Variants in TOR1AIP1 observed in about 807,000 individuals in gnomAD.
TOR1AIP1 encodes the protein torsin 1A interacting protein 1, also known as torsin-1A-interacting protein 1.
TOR1AIP1 carries 54 observed loss-of-function variants against 63.3 expected under a neutral mutation model. That is an observed-to-expected ratio of 0.85 (90% CI 0.69 to 1.07). The LOEUF is 1.07. Among genes scored for constraint, TOR1AIP1 ranks in the 50% least tolerant of loss-of-function variants. The pLI is 0.00. For synonymous variants in TOR1AIP1, 294 were observed against 273.5 expected (o/e 1.07, Z -0.74); for missense variants, 736 against 715.0 (o/e 1.03, Z -0.33).
chr1:179,917,645 G>A lies in TOR1AIP1; in HGVS notation c.1158G>A (p.Leu386=). The change falls in exon 10 of 10, where the codon CTG becomes CTA. Residue 386 remains leucine, a synonymous_variant. Transcript: ENST00000606911. ...KNKYQGQDEK[L]WKRSQTFLEK... Reference sequence around the variant, plus strand: ...AGTACCAAGGTCAAGATGAGAAGCTGTGGAAAAGGAGCCAAACATTCCTGG... The same window carrying A: ...AGTACCAAGGTCAAGATGAGAAGCTATGGAAAAGGAGCCAAACATTCCTGG... 6.2e-7 allele frequency: 1 copy of A among 1,614,230 alleles called. No homozygotes were observed. The highest frequency in any genetic ancestry group is 8.5e-7 in the Non-Finnish European group (1 of 1,180,042).
chr1:179,902,487 A>T (rs1648500333), intron 5 of TOR1AIP1, among the ~76,000 whole-genome samples: 1 of 152,066 alleles, frequency 6.6e-6, no homozygotes, highest in Non-Finnish European at 1.5e-5. Flanking sequence ...TCCCAGGCTT[A>T]AGCAATTCTC....
At position 179,917,652 on chromosome 1, in the gene TOR1AIP1, A is replaced by C; in HGVS notation, c.1165A>C (p.Arg389=). Residue 389 remains arginine, a synonymous_variant, in exon 10 of 10, where the codon AGG becomes CGG. Transcript: ENST00000606911. ...AGGTCAAGATGAGAAGCTGTGGAAA[A>C]GGAGCCAAACATTCCTGGAAAAACA... ...YQGQDEKLWK[R]SQTFLEKHLN... The C allele has an allele frequency of 1.2e-6, 2 of 1,614,234 alleles. No individual in the cohort carries two copies. The highest frequency in any genetic ancestry group is 1.7e-6 in the Non-Finnish European group (2 of 1,180,036).
chr1:179,899,997 A>G (rs773484172), intron 3 of TOR1AIP1, 129 bp from the exon 4 acceptor site: 513 of 646,468 alleles, frequency 7.9e-4, no homozygotes, highest in Non-Finnish European at 1.3e-3. Flanking sequence ...CCTCATGTTC[A>G]TTTTCCTAAA....
Position 179,918,288 on chromosome 1 carries a change from C to T in TOR1AIP1, c.*49C>T. 6.6e-7 allele frequency: 1 copy of T among 1,508,520 alleles called. No individual in the cohort carries two copies. The highest frequency in any genetic ancestry group is 8.8e-7 in the Non-Finnish European group (1 of 1,133,012). The allele number at this position is 1,508,520 out of a possible 1,614,324, so 93.4% of individuals were successfully genotyped here. On this transcript the variant is annotated 3_prime_UTR_variant, in exon 10 of 10. Transcript: ENST00000606911. Reference sequence around the variant, plus strand: ...TGTCCCAAGTTCTGAGAATTGTTCACACTTTCTAACCAGAGACAGAATTCA... The same window carrying T: ...TGTCCCAAGTTCTGAGAATTGTTCATACTTTCTAACCAGAGACAGAATTCA...
In TOR1AIP1 at chr1:179,917,897, G is replaced by T. The variant is rs1330669600; in HGVS notation, c.1410G>T (p.Lys470Asn). ...ACCAAGAACTGAGCAATGGATTTAA[G>T]AATGGCCAGAATGCAGCTGTGGTAC... The part of the protein sequence containing the change: ...EVDQELSNGF[K>N]NGQNAAVVHR... The change falls in exon 10 of 10, where the codon AAG (lysine) becomes AAT (asparagine). Residue 470 changes from lysine to asparagine, a missense_variant. By Grantham distance (94) the Lys-to-Asn change is moderately conservative. Around this residue, in one of 2 missense-constraint regions of TOR1AIP1, gnomAD observed 272 missense variants for 344.1 expected, o/e 0.79. Coordinates refer to ENST00000606911, the MANE Select transcript of TOR1AIP1 (RefSeq NM_015602.4). 6.2e-7 allele frequency: 1 copy of T among 1,614,170 alleles called. No individual in the cohort carries two copies. The highest frequency in any genetic ancestry group is 1.1e-5 in the South Asian group (1 of 91,074).
intron 4 of TOR1AIP1, 166 bp downstream of exon 4, chr1:179,900,333 A>G (rs1185274934): frequency 8.2e-6 from 4 of 486,018 alleles, no homozygotes; most frequent in Non-Finnish European, 1.5e-5. Flanking sequence ...ACTTAAGTCC[A>G]GGAGTTCTGG....
chr1:179,882,364 G>A lies in TOR1AIP1; in HGVS notation c.-139G>A, dbSNP rs1647727088. ...ACACAGCAGCGACGACGCAGGCGGCGGCCCCAGCGACTCGCAACTGCCTCC... is the reference window on the plus strand; with the variant it reads ...ACACAGCAGCGACGACGCAGGCGGCAGCCCCAGCGACTCGCAACTGCCTCC... On this transcript the variant is annotated 5_prime_UTR_variant, in exon 1 of 10. Transcript: ENST00000606911. The A allele has an allele frequency of 9.8e-6, 8 of 820,200 alleles. No individual in the cohort carries two copies. Among genetic ancestry groups the A allele is most frequent in the Middle Eastern group, 3.9e-4 (1 of 2,572 alleles). The allele number at this position is 820,200 out of a possible 1,614,324, so 50.8% of individuals were successfully genotyped here.
intron 1 of TOR1AIP1, 81 bp downstream of exon 1, chr1:179,883,058 C>T: frequency 1.6e-6 from 2 of 1,273,968 alleles, no homozygotes; most frequent in African/African-American, 1.5e-5. Context: ...GGAGCTCATG[C>T]CCGCCTGGGT....
chr1:179,917,424 A>G, intron 9 of TOR1AIP1, 28 bp from the exon 10 acceptor site: 8 of 1,574,290 alleles, frequency 5.1e-6, no homozygotes, highest in Non-Finnish European at 6.9e-6. Flanking sequence ...TGGTATTTAT[A>G]TCTGTCATTT....
chr1:179,901,961 A>G (rs1239998099), intron 5 of TOR1AIP1, among the ~76,000 whole-genome samples: 2 of 149,856 alleles, frequency 1.3e-5, no homozygotes, highest in East Asian at 3.9e-4. Context: ...GAGTAATTTT[A>G]TACTTTAGTC....
At position 179,916,623 on chromosome 1, in the gene TOR1AIP1, G is replaced by A. The variant is rs560621793; in HGVS notation, c.965-829G>A. 2.6e-5 allele frequency among the ~76,000 whole-genome samples: 4 copies of A among 151,404 alleles called. No individual in the cohort carries two copies. The East Asian group carries it at 7.7e-4, about 29-fold the overall frequency. On this transcript the variant is annotated intron_variant, in intron 9 of 9. Transcript: ENST00000606911. ...AGTGTTAACTTGCATACCACAAAAG[G>A]CATCAGTGAAATTAATCTAAAGGGA... is the stretch of plus-strand genomic sequence containing the variant.
At position 179,920,027 on chromosome 1, in the gene TOR1AIP1, A is replaced by C. The variant is rs1010671579; in HGVS notation, c.*1788A>C. The C allele has an allele frequency of 2.0e-5, 3 of 152,236 alleles. No homozygotes were observed. The highest frequency in any genetic ancestry group is 7.2e-5 in the African/African-American group (3 of 41,458). 9.4% of individuals were successfully genotyped at this position (152,236 alleles called of 1,614,324 possible). On this transcript the variant is annotated 3_prime_UTR_variant, in exon 10 of 10. Coordinates refer to ENST00000606911, the MANE Select transcript of TOR1AIP1 (RefSeq NM_015602.4). Reference sequence around the variant, plus strand: ...AGCAGCTGATCTGTAAATGACTTTAAAAGCTATTTTAGTAATTTAAATAAA... The same window carrying C: ...AGCAGCTGATCTGTAAATGACTTTACAAGCTATTTTAGTAATTTAAATAAA...
intron 3 of TOR1AIP1, among the ~76,000 whole-genome samples, chr1:179,890,234 A>G (rs139713132): frequency 1.5e-4 from 23 of 152,294 alleles, no homozygotes; most frequent in African/African-American, 5.3e-4. Flanking sequence ...TTTCATGACT[A>G]TGAAGAAAAC....
At position 179,917,808 on chromosome 1, in the gene TOR1AIP1, G is replaced by C. The variant is rs928316779; in HGVS notation, c.1321G>C (p.Ala441Pro). 4.3e-6 allele frequency: 7 copies of C among 1,614,174 alleles called. No homozygotes were observed. The highest frequency in any genetic ancestry group is 5.9e-6 in the Non-Finnish European group (7 of 1,180,034). ...DAYSSFRSVRAIRIDGTDKAT... is the reference protein window; with the variant it reads ...DAYSSFRSVRPIRIDGTDKAT... ...CTATTCTTCTTTTCGTAGTGTCCGT[G>C]CCATCCGGATTGATGGGACAGATAA... Residue 441 changes from alanine (A) to proline (P), a missense_variant, in exon 10 of 10, where the codon GCC (alanine) becomes CCC (proline). By Grantham distance (27) the Ala-to-Pro change is conservative (BLOSUM62 -1). Transcript: ENST00000606911.
At chr1:179,915,839 A>AT (rs1461332040) in intron 9 of TOR1AIP1, among the ~76,000 whole-genome samples, 6 of 152,188 alleles carry the variant, frequency 3.9e-5, no homozygotes, top group Admixed American at 2.6e-4. Context: ...TAAAATCCTA[A>AT]TTTTCACTTG....
At position 179,918,395 on chromosome 1, in the gene TOR1AIP1, A is replaced by G. The variant is rs192672736; in HGVS notation, c.*156A>G. Reference sequence around the variant, plus strand: ...ATGGAACATATAAATCATTCATTCAACCTAATTATCTGTGATATGAGAGAA... The same window carrying G: ...ATGGAACATATAAATCATTCATTCAGCCTAATTATCTGTGATATGAGAGAA... On this transcript the variant is annotated 3_prime_UTR_variant, in exon 10 of 10. Coordinates refer to ENST00000606911, the MANE Select transcript of TOR1AIP1 (RefSeq NM_015602.4). The G allele has an allele frequency of 1.2e-4, 85 of 692,832 alleles. No individual in the cohort carries two copies. In the East Asian group the frequency reaches 1.5e-3, roughly 13 times the overall value. 42.9% of individuals were successfully genotyped at this position (692,832 alleles called of 1,614,324 possible). A position where few individuals can be genotyped will look rare whatever the true frequency, so the allele number is the denominator to read the frequency against.
intron 5 of TOR1AIP1, among the ~76,000 whole-genome samples, chr1:179,903,650 A>G (rs1255950911): frequency 2.0e-5 from 3 of 151,976 alleles, no homozygotes; most frequent in African/African-American, 7.3e-5. Flanking sequence ...CTTGGATTAC[A>G]GGCACGCGCC....
intron 9 of TOR1AIP1, among the ~76,000 whole-genome samples, chr1:179,915,095 C>T (rs1292743335): frequency 2.0e-5 from 3 of 152,262 alleles, no homozygotes; most frequent in East Asian, 3.9e-4. Flanking sequence ...TGTATGCAGT[C>T]TGTTACAATA....
At chr1:179,893,525 C>T (rs148691009) in intron 3 of TOR1AIP1, among the ~76,000 whole-genome samples, 2,874 of 152,190 alleles carry the variant, frequency 0.019, 96 homozygotes, top group African/African-American at 0.066. Context: ...ACTGCAACCT[C>T]CACCTCCCAG....
Sources: allele counts gnomAD v4.1 joint callset (sites outside exome capture counted in the v4.1 genomes callset), GRCh38; gene constraint gnomAD v4.1.1; regional missense constraint gnomAD v4.1.1; transcripts MANE v1.5; gene names NCBI Gene and HGNC (gene_info 2026-07-23, HGNC 2026-07-21).